The following PDZD2 variants were observed in gnomAD, a reference collection of about 807,000 sequenced individuals.
PDZD2 encodes the protein PDZ domain containing 2, also known as PDZ domain-containing protein 2.
Under a neutral mutation model 220.7 loss-of-function variants are expected in PDZD2, and 90 were observed. The ratio of observed to expected loss-of-function variants is 0.41; its 90% confidence interval spans 0.34 to 0.49. PDZD2 has a LOEUF of 0.49. Among genes scored for constraint, PDZD2 ranks in the 20% least tolerant of loss-of-function variants. The pLI is 0.28. For synonymous variants in PDZD2, 1,375 were observed against 1,450.5 expected, an observed-to-expected ratio of 0.95 and a Z score of 1.18; for missense variants, 3,174 against 3,608.5, an observed-to-expected ratio of 0.88 and a Z score of 3.08.
intron 2 of PDZD2, among the ~76,000 whole-genome samples, chr5:31,965,280 A>G (rs1748629467): frequency 6.6e-6 from 1 of 152,234 alleles, no homozygotes; most frequent in African/African-American, 2.4e-5. Context: ...CCAGCCAGGT[A>G]TGTGTAGAGG....
In PDZD2 at chr5:32,092,930, C is replaced by A. The variant is rs776143620; in HGVS notation, c.7751C>A (p.Ala2584Glu). The A allele has an allele frequency of 6.3e-7, 1 of 1,589,158 alleles. No individual in the cohort carries two copies. The highest frequency in any genetic ancestry group is 1.1e-5 in the South Asian group (1 of 90,322). Residue 2584 changes from alanine (A) to glutamate (E), a missense_variant, in exon 21 of 25, where the codon GCG becomes GAG. Coordinates refer to ENST00000438447, the MANE Select transcript of PDZD2 (RefSeq NM_178140.4). ...SVNLDQLLVS[A>E]GDQQRLQSVL... ...AGTTTGGATCAACTTCTAGTCTCAG[C>A]GGGGGACCAGCAAAGATTACAGTCT...
At chr5:31,931,578 C>T (rs1228884491) in intron 2 of PDZD2, among the ~76,000 whole-genome samples, 1 of 152,096 alleles carries the variant, frequency 6.6e-6, no homozygotes, top group Non-Finnish European at 1.5e-5. Flanking sequence ...GCTGGTGGCT[C>T]TTACTTGGTT....
At chr5:31,686,187 G>A (rs1746850305) in intron 1 of PDZD2, among the ~76,000 whole-genome samples, 1 of 151,146 alleles carries the variant, frequency 6.6e-6, no homozygotes, top group Non-Finnish European at 1.5e-5. Context: ...TTGTGCCACT[G>A]TACTCTAGCC....
At chr5:32,060,969 A>G in intron 13 of PDZD2, 33 bp from the exon 14 acceptor site, 1 of 1,612,652 alleles carries the variant, frequency 6.2e-7, no homozygotes, top group Non-Finnish European at 8.5e-7. Context: ...GCTGGCTGCT[A>G]ACACAGAGTG....
intron 1 of PDZD2, among the ~76,000 whole-genome samples, chr5:31,659,191 A>C (rs1171843194): frequency 1.3e-5 from 2 of 152,024 alleles, no homozygotes; most frequent in Non-Finnish European, 1.5e-5. Context: ...CTCTCCATGG[A>C]GCCCTTTAAT....
chr5:31,668,134 T>C (rs1371760823), intron 1 of PDZD2, among the ~76,000 whole-genome samples: 1 of 152,190 alleles, frequency 6.6e-6, no homozygotes, highest in East Asian at 1.9e-4. Context: ...GTACTGGGAT[T>C]ACAGGCGTGG....
At position 31,983,601 on chromosome 5, in the gene PDZD2, G is replaced by C. The variant is rs753938084; in HGVS notation, c.923G>C (p.Arg308Pro). The C allele has an allele frequency of 6.2e-7, 1 of 1,614,128 alleles. No individual in the cohort carries two copies. Reference protein sequence around the residue: ...DAPLTTSNDKRRFSKGGKTDF... With the variant: ...DAPLTTSNDKPRFSKGGKTDF... ...CCTCTGACCACAAGCAATGACAAAC[G>C]CCGCTTCTCAAAAGGTGGGAAGACG... is the stretch of plus-strand genomic sequence containing the variant. The change falls in exon 3 of 25, where the codon CGC becomes CCC. Residue 308 changes from arginine to proline, a missense_variant. Transcript: ENST00000438447.
rs143583350 is a variant in PDZD2 at position 31,701,888 on chromosome 5, G to A, written c.-361+62451G>A. Among the ~76,000 whole-genome samples, 304 of 152,360 alleles carry A rather than the reference G, an allele frequency of 2.0e-3. 1 individual carries two copies. The highest frequency in any genetic ancestry group is 6.9e-3 in the African/African-American group (286 of 41,592). On this transcript the variant is annotated intron_variant, in intron 1 of 24. Coordinates refer to ENST00000438447, the MANE Select transcript of PDZD2 (RefSeq NM_178140.4). ...AGAGCTTTCTGTTTCCTTTCCTGGA[G>A]TCTAAAATATCTGATCTGGAGGTTC...
At chr5:31,999,593 C>A (rs1486600371) in intron 4 of PDZD2, among the ~76,000 whole-genome samples, 4 of 152,098 alleles carry the variant, frequency 2.6e-5, no homozygotes, top group Non-Finnish European at 5.9e-5. Context: ...CCCTCTGGGA[C>A]CTGTAACTCT....
At chr5:31,929,904 G>C (rs1745104459) in intron 2 of PDZD2, among the ~76,000 whole-genome samples, 1 of 152,128 alleles carries the variant, frequency 6.6e-6, no homozygotes, top group Non-Finnish European at 1.5e-5. Flanking sequence ...CTGGATCATG[G>C]GGGAGGATCC....
chr5:32,092,106 T>TA (rs1743211553), intron 20 of PDZD2, among the ~76,000 whole-genome samples: 5 of 151,610 alleles, frequency 3.3e-5, no homozygotes, highest in African/African-American at 7.3e-5. Flanking sequence ...AAACCCCATC[T>TA]CTACTAAAAA....
intron 2 of PDZD2, among the ~76,000 whole-genome samples, chr5:31,904,370 T>C (rs79711053): frequency 0.016 from 2,481 of 152,216 alleles, 63 homozygotes; most frequent in African/African-American, 0.058. Flanking sequence ...GCCAAGAAAA[T>C]AGATCTCTTA....
At chr5:31,852,444 C>T (rs1374906122) in intron 2 of PDZD2, among the ~76,000 whole-genome samples, 1 of 151,782 alleles carries the variant, frequency 6.6e-6, no homozygotes, top group Non-Finnish European at 1.5e-5. Flanking sequence ...TGCCATCACG[C>T]CTGGCTGATT....
chr5:32,010,262 G>A, intron 5 of PDZD2, 68 bp from the exon 6 acceptor site: 2 of 1,120,072 alleles, frequency 1.8e-6, no homozygotes, highest in Admixed American at 2.1e-5. Context: ...ACTGTGCCAG[G>A]TTGCCTTCAA....
chr5:31,803,779 T>C (rs1336316187), intron 2 of PDZD2, among the ~76,000 whole-genome samples: 1 of 152,090 alleles, frequency 6.6e-6, no homozygotes, highest in Non-Finnish European at 1.5e-5. Flanking sequence ...CTGACGCCTG[T>C]AATTTCAGCA....
chr5:31,710,037 C>T (rs772873421), intron 1 of PDZD2, among the ~76,000 whole-genome samples: 3 of 152,144 alleles, frequency 2.0e-5, no homozygotes, highest in Non-Finnish European at 2.9e-5. Context: ...CACAGGGGAG[C>T]GGCTGCTCGC....
At chr5:31,825,402 G>A (rs934073327) in intron 2 of PDZD2, among the ~76,000 whole-genome samples, 2 of 152,196 alleles carry the variant, frequency 1.3e-5, no homozygotes, top group African/African-American at 2.4e-5. Context: ...CCTTCCAGGG[G>A]CTGGCAGTTT....
At chr5:32,030,328 T>A (rs542254827) in intron 6 of PDZD2, among the ~76,000 whole-genome samples, 2 of 152,330 alleles carry the variant, frequency 1.3e-5, no homozygotes, top group Non-Finnish European at 2.9e-5. Context: ...GTGCCCCTAA[T>A]GAGCTAGTAA....
chr5:31,806,925 G>A (rs748764998), intron 2 of PDZD2, among the ~76,000 whole-genome samples: 20 of 141,570 alleles, frequency 1.4e-4, no homozygotes, highest in South Asian at 2.2e-4. Flanking sequence ...AACTTTGGGC[G>A]TCTTTGTTTT....
Sources: allele counts gnomAD v4.1 joint callset (sites outside exome capture counted in the v4.1 genomes callset), GRCh38; gene constraint gnomAD v4.1.1; transcripts MANE v1.5; gene names NCBI Gene and HGNC (gene_info 2026-07-23, HGNC 2026-07-21).